Variants in EDA observed in about 807,000 individuals in gnomAD.
The protein encoded by EDA is ectodysplasin A, also known as ectodysplasin-A.
A neutral mutation model predicts 23.6 loss-of-function variants in EDA; 2 were observed. That is an observed-to-expected ratio of 0.08 (90% confidence interval 0.03 to 0.27). The LOEUF is 0.27. EDA is among the 10% of genes least tolerant of loss of function. The pLI, the probability that EDA is intolerant of heterozygous loss-of-function variation, is 1.00. For synonymous variants in EDA, 131 were observed against 132.0 expected, an observed-to-expected ratio of 0.99 and a Z score of 0.05; for missense variants, 229 against 324.2, an observed-to-expected ratio of 0.71 and a Z score of 2.26.
At chrX:69,947,656 G>A (rs2018853347) in intron 1 of EDA, among the ~76,000 whole-genome samples, 1 of 112,040 alleles carries the variant, frequency 8.9e-6, no homozygotes, top group Non-Finnish European at 1.9e-5. Flanking sequence ...GAGACCAACT[G>A]ACTTCCAGAA....
chrX:69,923,616 T>A (rs2018469043), intron 1 of EDA, among the ~76,000 whole-genome samples: 1 of 112,218 alleles, frequency 8.9e-6, no homozygotes, highest in Non-Finnish European at 1.9e-5. Flanking sequence ...CATGTGTCTT[T>A]AAATCAGTAG....
intron 4 of EDA, 74 bp from the exon 5 acceptor site, chrX:70,029,430 C>A: frequency 2.7e-6 from 3 of 1,117,486 alleles, no homozygotes; most frequent in Non-Finnish European, 3.7e-6. Flanking sequence ...TGGCTCACCA[C>A]CACTAGCTGC....
chrX:69,894,928 G>C (rs2017988699), intron 1 of EDA, among the ~76,000 whole-genome samples: 1 of 111,335 alleles, frequency 9.0e-6, no homozygotes, highest in African/African-American at 3.3e-5. Flanking sequence ...TTTTGGCCAG[G>C]ACTTCCAGTG....
intron 6 of EDA, among the ~76,000 whole-genome samples, chrX:70,032,312 C>T (rs897999762): frequency 3.7e-5 from 4 of 108,933 alleles, no homozygotes; most frequent in Admixed American, 2.0e-4. Flanking sequence ...GGTTGGAGGA[C>T]GTCATGCAGA....
At chrX:69,775,613 A>G (rs971151335) in intron 1 of EDA, among the ~76,000 whole-genome samples, 1 of 111,828 alleles carries the variant, frequency 8.9e-6, no homozygotes, top group African/African-American at 3.2e-5. Flanking sequence ...ACTGTTGTTC[A>G]CCAAATTCAC....
intron 1 of EDA, among the ~76,000 whole-genome samples, chrX:69,669,182 C>T (rs1933795264): frequency 9.0e-6 from 1 of 110,724 alleles, no homozygotes; most frequent in Non-Finnish European, 1.9e-5. Context: ...AAGTGGGTAC[C>T]CCATAGACAC....
chrX:69,707,558 T>C (rs2011778360), intron 1 of EDA, among the ~76,000 whole-genome samples: 2 of 112,020 alleles, frequency 1.8e-5, no homozygotes, highest in South Asian at 7.5e-4. Flanking sequence ...CGCAAGGTCC[T>C]CTTGGTCCTC....
At chrX:69,971,077 A>G (rs2019241533) in intron 2 of EDA, among the ~76,000 whole-genome samples, 1 of 112,204 alleles carries the variant, frequency 8.9e-6, no homozygotes, top group Non-Finnish European at 1.9e-5. Flanking sequence ...TGCCAAATAT[A>G]TATCAGAATC....
intron 1 of EDA, among the ~76,000 whole-genome samples, chrX:69,719,230 TC>T (rs2012473371): frequency 2.8e-5 from 3 of 108,375 alleles, no homozygotes; most frequent in African/African-American, 6.6e-5. Flanking sequence ...GTTTTTTTTT[TC>T]CCTAAGGAAC....
chrX:69,974,024 A>T (rs1461906991), intron 2 of EDA, among the ~76,000 whole-genome samples: 2 of 107,171 alleles, frequency 1.9e-5, no homozygotes, highest in African/African-American at 6.7e-5. Context: ...ACTAACTTTA[A>T]ATATATATAT....
chrX:69,642,637 A>G (rs1343452422), intron 1 of EDA, among the ~76,000 whole-genome samples: 1 of 111,700 alleles, frequency 9.0e-6, no homozygotes, highest in African/African-American at 3.2e-5. Flanking sequence ...TTGTGCTATG[A>G]TATACACTGT....
chrX:69,997,996 G>T (rs1345647227), intron 2 of EDA, among the ~76,000 whole-genome samples: 1 of 112,446 alleles, frequency 8.9e-6, no homozygotes, highest in Non-Finnish European at 1.9e-5. Flanking sequence ...CTCTGCTAGG[G>T]CAATGCAGAA....
At chrX:69,759,346 G>A (rs1166879596) in intron 1 of EDA, among the ~76,000 whole-genome samples, 1 of 112,179 alleles carries the variant, frequency 8.9e-6, no homozygotes, top group African/African-American at 3.2e-5. Flanking sequence ...TTATCTGTAA[G>A]AAATAGAATA....
intron 1 of EDA, among the ~76,000 whole-genome samples, chrX:69,806,706 G>A (rs1602427510): frequency 9.0e-6 from 1 of 110,765 alleles, no homozygotes; most frequent in East Asian, 2.8e-4. Flanking sequence ...AATGAAGAGG[G>A]CTTAGACTGA....
At chrX:69,621,073 A>G (rs185195650) in intron 1 of EDA, 1 of 228,257 alleles carries the variant, frequency 4.4e-6, no homozygotes, top group Admixed American at 6.8e-5. Context: ...ATGGTGCAAA[A>G]AGCTTCCTGT....
intron 1 of EDA, among the ~76,000 whole-genome samples, chrX:69,668,149 A>T (rs747993143): frequency 3.2e-4 from 36 of 111,997 alleles, no homozygotes; most frequent in African/African-American, 1.2e-3. Flanking sequence ...TGATTTTGCC[A>T]TATCCCATAG....
chrX:69,978,517 A>AAATAAT (rs2019355424), intron 2 of EDA, among the ~76,000 whole-genome samples: 1 of 103,280 alleles, frequency 9.7e-6, no homozygotes. Context: ...AAAAAAAAAA[A>AAATAAT]AAAGAAAGAA....
At chrX:69,946,093 G>T (rs980756121) in intron 1 of EDA, among the ~76,000 whole-genome samples, 4 of 111,285 alleles carry the variant, frequency 3.6e-5, no homozygotes, top group African/African-American at 1.3e-4. Flanking sequence ...TTATGCCCTT[G>T]GTGATTCTAG....
At chrX:69,788,200 G>T (rs1426062511) in intron 1 of EDA, among the ~76,000 whole-genome samples, 91 of 111,233 alleles carry the variant, frequency 8.2e-4, no homozygotes, top group African/African-American at 2.7e-3. Context: ...CTTCTAAATT[G>T]TTTTCAAAGT....
Sources: allele counts gnomAD v4.1 joint callset (sites outside exome capture counted in the v4.1 genomes callset), GRCh38; gene constraint gnomAD v4.1.1; transcripts MANE v1.5; gene names NCBI Gene and HGNC (gene_info 2026-07-23, HGNC 2026-07-21).